The following CSMD1 variants were observed in gnomAD, a reference collection of about 807,000 sequenced individuals.
The protein encoded by CSMD1 is CUB and sushi domain-containing protein 1.
In CSMD1, 213 loss-of-function variants were observed where a neutral mutation model predicts 417.5. That is an observed-to-expected ratio of 0.51 (90% confidence interval 0.46 to 0.57). CSMD1 has a LOEUF of 0.57. CSMD1 is among the 20% of genes least tolerant of loss of function. The pLI, the probability that CSMD1 is intolerant of heterozygous loss-of-function variation, is 0.00. For missense variants in CSMD1, 6,923 were observed against 4,529.7 expected (o/e 1.53, Z -15.17); for synonymous variants, 2,862 against 1,736.8 (o/e 1.65, Z -16.11).
intron 5 of CSMD1, among the ~76,000 whole-genome samples, chr8:3,865,458 G>T (rs577128936): frequency 9.2e-5 from 14 of 152,184 alleles, no homozygotes; most frequent in African/African-American, 2.9e-4. Context: ...AGTCACAGGT[G>T]CTCTTCAGAG....
intron 9 of CSMD1, among the ~76,000 whole-genome samples, chr8:3,575,355 C>A (rs1301535626): frequency 6.6e-6 from 1 of 152,106 alleles, no homozygotes; most frequent in Admixed American, 6.6e-5. Flanking sequence ...TGTGCAATGT[C>A]AATACCAAAG....
intron 5 of CSMD1, among the ~76,000 whole-genome samples, chr8:3,929,876 C>A (rs1439009110): frequency 6.7e-6 from 1 of 149,978 alleles, no homozygotes; most frequent in African/African-American, 2.5e-5. Flanking sequence ...TGGTCCCGCT[C>A]ATCTCCAACC....
chr8:3,337,330 T>G (rs1022147768), intron 23 of CSMD1, among the ~76,000 whole-genome samples: 1 of 152,244 alleles, frequency 6.6e-6, no homozygotes, highest in African/African-American at 2.4e-5. Context: ...TTTGTATCTA[T>G]TCAGCAAATA....
chr8:3,977,232 T>C (rs1392255899), intron 5 of CSMD1, among the ~76,000 whole-genome samples: 3 of 152,182 alleles, frequency 2.0e-5, no homozygotes, highest in Admixed American at 6.5e-5. Flanking sequence ...CTGACACTCC[T>C]TGCTACATTC....
At chr8:3,699,013 T>G (rs1040527206) in intron 7 of CSMD1, among the ~76,000 whole-genome samples, 1 of 152,180 alleles carries the variant, frequency 6.6e-6, no homozygotes, top group African/African-American at 2.4e-5. Context: ...ACCCTCCTTG[T>G]ACCCACATCC....
chr8:3,496,485 A>C (rs1360957836), intron 10 of CSMD1, among the ~76,000 whole-genome samples: 1 of 152,098 alleles, frequency 6.6e-6, no homozygotes, highest in African/African-American at 2.4e-5. Flanking sequence ...TACTTTTTTG[A>C]TATAGGTGTT....
At chr8:3,622,068 T>C (rs976409946) in intron 7 of CSMD1, among the ~76,000 whole-genome samples, 28 of 151,930 alleles carry the variant, frequency 1.8e-4, no homozygotes, top group Non-Finnish European at 1.8e-4. Flanking sequence ...ACTTTTCTCT[T>C]CAAGCCCATG....
At chr8:2,979,445 T>A (rs972924013) in intron 54 of CSMD1, among the ~76,000 whole-genome samples, 1 of 152,244 alleles carries the variant, frequency 6.6e-6, no homozygotes, top group African/African-American at 2.4e-5. Context: ...TGAATGCCTG[T>A]TGGCGTCTGT....
intron 2 of CSMD1, among the ~76,000 whole-genome samples, chr8:4,570,372 G>C (rs2725049): frequency 1.3e-5 from 2 of 152,052 alleles, no homozygotes; most frequent in Non-Finnish European, 2.9e-5. Context: ...CGAAGGCCCT[G>C]TCTGCATCTA....
chr8:3,615,809 T>A (rs954780400), intron 8 of CSMD1, among the ~76,000 whole-genome samples: 13 of 152,298 alleles, frequency 8.5e-5, no homozygotes, highest in African/African-American at 2.9e-4. Flanking sequence ...ACACATATCT[T>A]GTTTCTCTTT....
chr8:4,390,497 T>TTTTTTA (rs58291340), intron 3 of CSMD1, among the ~76,000 whole-genome samples: 1 of 140,324 alleles, frequency 7.1e-6, no homozygotes, highest in African/African-American at 2.7e-5. Flanking sequence ...AAGCGTCCAT[T>TTTTTTA]TTTATTTATT....
intron 3 of CSMD1, among the ~76,000 whole-genome samples, chr8:4,194,643 C>G (rs1224153348): frequency 1.3e-5 from 2 of 152,022 alleles, no homozygotes; most frequent in Non-Finnish European, 2.9e-5. Context: ...CATTTTCTTG[C>G]AAGGAAAATA....
intron 3 of CSMD1, among the ~76,000 whole-genome samples, chr8:4,392,146 A>G (rs1803889660): frequency 6.6e-6 from 1 of 152,184 alleles, no homozygotes. Flanking sequence ...ATTGCTGACC[A>G]CTGAAACTGT....
intron 26 of CSMD1, among the ~76,000 whole-genome samples, chr8:3,271,214 T>C (rs1434015561): frequency 6.6e-6 from 1 of 151,954 alleles, no homozygotes; most frequent in Non-Finnish European, 1.5e-5. Context: ...TTACTGAGAA[T>C]GATGATTTCC....
At chr8:4,887,268 A>G (rs1169868096) in intron 1 of CSMD1, among the ~76,000 whole-genome samples, 1 of 152,072 alleles carries the variant, frequency 6.6e-6, no homozygotes, top group East Asian at 1.9e-4. Flanking sequence ...ATTTCCATAC[A>G]TGTAGACTTT....
chr8:4,411,553 T>G (rs141036708), intron 3 of CSMD1, among the ~76,000 whole-genome samples: 11 of 152,324 alleles, frequency 7.2e-5, no homozygotes, highest in African/African-American at 2.4e-4. Context: ...ATTCATTAAT[T>G]AATTTTTTCT....
At position 4,192,529 on chromosome 8, in the gene CSMD1, C is replaced by G. The variant is rs115626694; in HGVS notation, c.416-160430G>C. On this transcript the variant is annotated intron_variant, in intron 3 of 69. Coordinates refer to ENST00000635120, the MANE Select transcript of CSMD1 (RefSeq NM_033225.6). Reference sequence around the variant, plus strand: ...TTTAAGACAATACCCCCTGACCTTTCAGCAACAGGGGCTTTTATCTACATC... The same window carrying G: ...TTTAAGACAATACCCCCTGACCTTTGAGCAACAGGGGCTTTTATCTACATC... Among the ~76,000 whole-genome samples, 246 of 152,270 alleles carry G rather than the reference C, an allele frequency of 1.6e-3. 2 individuals are homozygous for G. The highest frequency in any genetic ancestry group is 5.8e-3 in the African/African-American group (243 of 41,564).
At chr8:3,319,153 T>G (rs1177832618) in intron 23 of CSMD1, among the ~76,000 whole-genome samples, 1 of 152,118 alleles carries the variant, frequency 6.6e-6, no homozygotes, top group East Asian at 1.9e-4. Flanking sequence ...AGGCCTAGCT[T>G]TTAAAAAAAA....
intron 26 of CSMD1, among the ~76,000 whole-genome samples, chr8:3,242,256 G>C (rs954152083): frequency 6.6e-6 from 1 of 151,664 alleles, no homozygotes; most frequent in African/African-American, 2.4e-5. Flanking sequence ...GAGGAACGGA[G>C]GCTGAGGAAG....
Sources: allele counts gnomAD v4.1 joint callset (sites outside exome capture counted in the v4.1 genomes callset), GRCh38; gene constraint gnomAD v4.1.1; transcripts MANE v1.5; gene names NCBI Gene and HGNC (gene_info 2026-07-23, HGNC 2026-07-21).